TRPM1: variants seen among roughly 807,000 people sequenced by gnomAD.
TRPM1 encodes transient receptor potential cation channel subfamily M member 1.
Under a neutral mutation model 149.4 loss-of-function variants are expected in TRPM1, and 113 were observed. The observed-to-expected ratio is 0.76, with a 90% confidence interval of 0.65 to 0.88. The LOEUF is 0.88. Ranked by LOEUF, TRPM1 falls within the 40% of genes least tolerant of loss-of-function variation. TRPM1 has a pLI of 0.00. For missense variants in TRPM1, 1,976 were observed against 2,038.7 expected (o/e 0.97, Z 0.59); for synonymous variants, 741 against 759.5 (o/e 0.98, Z 0.40).
At chr15:31,113,567 T>G (rs563297401) in intron 1 of TRPM1, among the ~76,000 whole-genome samples, 1 of 152,174 alleles carries the variant, frequency 6.6e-6, no homozygotes, top group South Asian at 2.1e-4. Context: ...TTTTTTAACT[T>G]TAGGTTCCCC....
At chr15:31,157,670 G>A (rs1328257166) in intron 1 of TRPM1, among the ~76,000 whole-genome samples, 1 of 152,158 alleles carries the variant, frequency 6.6e-6, no homozygotes, top group Non-Finnish European at 1.5e-5. Context: ...GCTGCTGAGG[G>A]ATGGAGCTCA....
At chr15:31,046,489 T>C (rs930745108) in intron 15 of TRPM1, among the ~76,000 whole-genome samples, 2 of 152,120 alleles carry the variant, frequency 1.3e-5, no homozygotes, top group Non-Finnish European at 2.9e-5. Context: ...AGTTCCCTAA[T>C]AGACATGTAG....
At chr15:31,022,531 T>C (rs2032584446) in intron 27 of TRPM1, among the ~76,000 whole-genome samples, 1 of 152,250 alleles carries the variant, frequency 6.6e-6, no homozygotes, top group Non-Finnish European at 1.5e-5. Context: ...CATGGCTCTT[T>C]GATGTTATCC....
upstream of TRPM1, among the ~76,000 whole-genome samples, chr15:31,106,387 C>T (rs1012271932): frequency 1.3e-5 from 2 of 152,134 alleles, no homozygotes; most frequent in African/African-American, 2.4e-5. Flanking sequence ...CCACCCGCCT[C>T]GGCTGCCCAA....
At chr15:31,126,100 C>G (rs2035948543) in intron 1 of TRPM1, among the ~76,000 whole-genome samples, 1 of 152,098 alleles carries the variant, frequency 6.6e-6, no homozygotes, top group Non-Finnish European at 1.5e-5. Context: ...CCGCTGCACT[C>G]CAGCCTGGGG....
At chr15:31,105,222 C>G (rs1361460416), upstream of TRPM1, among the ~76,000 whole-genome samples, 1 of 152,182 alleles carries the variant, frequency 6.6e-6, no homozygotes, top group Non-Finnish European at 1.5e-5. Flanking sequence ...TCTGACGCCA[C>G]CCCAGGAATC....
At position 31,001,579 on chromosome 15, in the gene TRPM1, A is replaced by T; in HGVS notation, c.*243T>A. 1.7e-6 allele frequency: 1 copy of T among 579,332 alleles called. No individual in the cohort carries two copies. The highest frequency in any genetic ancestry group is 3.0e-5 in the East Asian group (1 of 33,622). The allele number at this position is 579,332 out of a possible 1,614,324, so 35.9% of individuals were successfully genotyped here. A position where few individuals can be genotyped will look rare whatever the true frequency, so the allele number is the denominator to read the frequency against. Reference sequence around the variant, plus strand: ...GATTGTATAATCTTGTATACTGATTAGCCAATTTATCTTCGTTACAGTATC... The same window carrying T: ...GATTGTATAATCTTGTATACTGATTTGCCAATTTATCTTCGTTACAGTATC... On this transcript the variant is annotated 3_prime_UTR_variant, in exon 28 of 28. Transcript: ENST00000256552.
chr15:31,090,597 A>G (rs1351360300), intron 1 of TRPM1, among the ~76,000 whole-genome samples: 1 of 151,982 alleles, frequency 6.6e-6, no homozygotes, highest in Non-Finnish European at 1.5e-5. Context: ...AGATTGTGCC[A>G]CTGCACTCTA....
At chr15:31,045,276 A>T (rs370457714) in intron 16 of TRPM1, among the ~76,000 whole-genome samples, 1 of 152,342 alleles carries the variant, frequency 6.6e-6, no homozygotes, top group Admixed American at 6.5e-5. Context: ...AGTCAATCCT[A>T]ATATTCCACA....
intron 8 of TRPM1, 31 bp downstream of exon 8, chr15:31,063,087 C>G (rs763774057): frequency 6.2e-7 from 1 of 1,613,698 alleles, no homozygotes; most frequent in South Asian, 1.1e-5. Flanking sequence ...GAGTTACGAA[C>G]CCGCCCTTCC....
intron 1 of TRPM1, among the ~76,000 whole-genome samples, chr15:31,095,021 G>T (rs1002215722): frequency 2.6e-5 from 4 of 152,228 alleles, no homozygotes; most frequent in African/African-American, 7.2e-5. Flanking sequence ...ACAAACAAAA[G>T]AATATTATTT....
chr15:31,086,813 C>T lies in TRPM1; in HGVS notation c.-83-5375G>A, dbSNP rs2035013599. Reference sequence around the variant, plus strand: ...CCTATGCAATGTGGAGAAATATTTGCAAATCATATATCTGATAAGCAATTA... The same window carrying T: ...CCTATGCAATGTGGAGAAATATTTGTAAATCATATATCTGATAAGCAATTA... On this transcript the variant is annotated intron_variant, in intron 1 of 27. Coordinates refer to ENST00000256552, the MANE Select transcript of TRPM1 (RefSeq NM_001252024.2). 2.0e-5 allele frequency among the ~76,000 whole-genome samples: 3 copies of T among 152,104 alleles called. No individual in the cohort carries two copies. In the South Asian group the frequency reaches 6.2e-4, roughly 32 times the overall value.
At chr15:31,039,678 T>A (rs2033548201) in intron 18 of TRPM1, among the ~76,000 whole-genome samples, 1 of 152,234 alleles carries the variant, frequency 6.6e-6, no homozygotes, top group South Asian at 2.1e-4. Flanking sequence ...TCCCATGTCA[T>A]GAAAACATCA....
intron 1 of TRPM1, among the ~76,000 whole-genome samples, chr15:31,100,026 C>T (rs750689268): frequency 3.9e-5 from 6 of 151,904 alleles, no homozygotes; most frequent in Admixed American, 2.0e-4. Context: ...CCCTTGTCAA[C>T]GCAAACACAA....
chr15:31,061,410 G>A (rs1209476290), intron 10 of TRPM1, 32 bp downstream of exon 10: 1 of 1,606,860 alleles, frequency 6.2e-7, no homozygotes, highest in Non-Finnish European at 8.5e-7. Flanking sequence ...CAACATCAGA[G>A]GGACAGGAGT....
chr15:31,032,374 T>C (rs1413618031), intron 22 of TRPM1, among the ~76,000 whole-genome samples: 2 of 152,064 alleles, frequency 1.3e-5, no homozygotes, highest in Admixed American at 6.6e-5. Flanking sequence ...GTACCTGATA[T>C]ATATTGAGAG....
intron 27 of TRPM1, among the ~76,000 whole-genome samples, chr15:31,021,876 T>G (rs2032563149): frequency 6.6e-6 from 1 of 152,154 alleles, no homozygotes; most frequent in Non-Finnish European, 1.5e-5. Flanking sequence ...GTATAATTTA[T>G]GAGTTATATC....
intron 1 of TRPM1, among the ~76,000 whole-genome samples, chr15:31,091,828 GAAAAC>G (rs940389269): frequency 5.9e-5 from 9 of 152,150 alleles, no homozygotes; most frequent in Admixed American, 2.6e-4. Context: ...AGGATTATGG[GAAAAC>G]AAAACAAAAC....
intron 13 of TRPM1, among the ~76,000 whole-genome samples, chr15:31,048,548 G>A (rs1041072173): frequency 1.3e-5 from 2 of 151,882 alleles, no homozygotes; most frequent in African/African-American, 4.8e-5. Context: ...TAGTATATTT[G>A]AGCCTATTAT....
Sources: allele counts gnomAD v4.1 joint callset (sites outside exome capture counted in the v4.1 genomes callset), GRCh38; gene constraint gnomAD v4.1.1; transcripts MANE v1.5; gene names NCBI Gene and HGNC (gene_info 2026-07-23, HGNC 2026-07-21).